The following PRUNE1 variants were observed in gnomAD, a reference collection of about 807,000 sequenced individuals.
PRUNE1 encodes exopolyphosphatase PRUNE1.
In PRUNE1, 25 loss-of-function variants were observed where a neutral mutation model predicts 42.5. That is an observed-to-expected ratio of 0.59 (90% CI 0.43 to 0.82). PRUNE1 has a LOEUF of 0.82. PRUNE1 is among the 40% of genes least tolerant of loss of function. The pLI is 0.00. For missense variants in PRUNE1, 443 were observed against 539.3 expected (o/e 0.82, Z 1.77); for synonymous variants, 203 against 217.1 (o/e 0.93, Z 0.57).
chr1:151,021,141 T>G (rs1674402012), intron 3 of PRUNE1, among the ~76,000 whole-genome samples: 1 of 128,042 alleles, frequency 7.8e-6, no homozygotes, highest in Admixed American at 8.2e-5. Context: ...AGTGATGCTC[T>G]GTCTCAAAAA....
At chr1:151,025,290 T>C (rs1478755473) in intron 4 of PRUNE1, among the ~76,000 whole-genome samples, 1 of 152,194 alleles carries the variant, frequency 6.6e-6, no homozygotes, top group Non-Finnish European at 1.5e-5. Context: ...AGGTTTGAGA[T>C]GCTCAGGCTT....
intron 1 of PRUNE1, among the ~76,000 whole-genome samples, chr1:151,009,235 T>C (rs2102888676): frequency 6.6e-6 from 1 of 152,304 alleles, no homozygotes; most frequent in Admixed American, 6.5e-5. Context: ...AGTCAGTGTT[T>C]TTAAGCCAAA....
intron 1 of PRUNE1, among the ~76,000 whole-genome samples, chr1:151,009,196 G>A (rs1344807519): frequency 6.6e-6 from 1 of 152,128 alleles, no homozygotes; most frequent in Non-Finnish European, 1.5e-5. Context: ...TCATTTCTAG[G>A]TTAGAAGTAG....
In PRUNE1 at chr1:151,018,464, T is replaced by C; in HGVS notation, c.133-3T>C. The C allele has an allele frequency of 6.2e-7, 1 of 1,607,456 alleles. No individual in the cohort carries two copies. Among genetic ancestry groups the C allele is most frequent in the Non-Finnish European group, 8.5e-7 (1 of 1,174,170 alleles). ...GATACCTTCTTTTCACTTTCCTATC[T>C]AGACAACTGAGGCTGAGGAAGTCTT... On this transcript the variant is annotated splice_region_variant and splice_polypyrimidine_tract_variant and intron_variant, in intron 2 of 7. Transcript: ENST00000271620.
chr1:151,024,425 GC>G (rs1185766693), intron 3 of PRUNE1, among the ~76,000 whole-genome samples, 185 bp from the exon 4 acceptor site: 3 of 152,010 alleles, frequency 2.0e-5, no homozygotes, highest in Non-Finnish European at 4.4e-5. Flanking sequence ...AACCCGAGAT[GC>G]AAAGGTTGCA....
chr1:151,025,640 G>A lies in PRUNE1; in HGVS notation c.646G>A (p.Asp216Asn). 1 of 1,613,750 alleles carries A rather than the reference G, an allele frequency of 6.2e-7. No individual in the cohort carries two copies. The highest frequency in any genetic ancestry group is 8.5e-7 in the Non-Finnish European group (1 of 1,179,826). Reference sequence around the variant, plus strand: ...CCTACCCAAGAGAAATGATATATTTGATTCCCTACAAAAGGCAAAGTTTGA... The same window carrying A: ...CCTACCCAAGAGAAATGATATATTTAATTCCCTACAAAAGGCAAAGTTTGA... Reference protein sequence around the residue: ...PDLPKRNDIFDSLQKAKFDVS... With the variant: ...PDLPKRNDIFNSLQKAKFDVS... The change falls in exon 5 of 8, where the codon GAT becomes AAT. Residue 216 changes from aspartate (D) to asparagine (N), a missense_variant. Physicochemically the swap from Asp to Asn is conservative, Grantham distance 23 (BLOSUM62 1). Transcript: ENST00000271620.
At chr1:151,012,836 A>G in intron 1 of PRUNE1, among the ~76,000 whole-genome samples, 1 of 151,130 alleles carries the variant, frequency 6.6e-6, no homozygotes, top group Non-Finnish European at 1.5e-5. Flanking sequence ...CAATGGTGGG[A>G]TCTCGGCTCA....
At chr1:151,014,536 G>C (rs1037919392) in intron 1 of PRUNE1, among the ~76,000 whole-genome samples, 2 of 152,238 alleles carry the variant, frequency 1.3e-5, no homozygotes, top group African/African-American at 4.8e-5. Flanking sequence ...AGTGGGGGAA[G>C]AGAAGAGTGA....
At chr1:151,030,328 T>C (rs1159317394) in intron 7 of PRUNE1, among the ~76,000 whole-genome samples, 1 of 151,654 alleles carries the variant, frequency 6.6e-6, no homozygotes, top group Non-Finnish European at 1.5e-5. Context: ...CTAGGCTCTG[T>C]GAGGACTGCT....
At chr1:151,016,232 GTC>G (rs770885559) in intron 1 of PRUNE1, among the ~76,000 whole-genome samples, 58 of 151,558 alleles carry the variant, frequency 3.8e-4, no homozygotes, top group Non-Finnish European at 4.6e-4. Flanking sequence ...GTAAGACCCT[GTC>G]TCAAAAAAAA....
chr1:151,030,373 C>T (rs1558089503), intron 7 of PRUNE1, among the ~76,000 whole-genome samples: 1 of 152,082 alleles, frequency 6.6e-6, no homozygotes, highest in Non-Finnish European at 1.5e-5. Flanking sequence ...CCTTTGCTCT[C>T]ATAGAAGGTA....
chr1:151,008,469 C>T lies in PRUNE1; in HGVS notation c.-164C>T, dbSNP rs1330702117. 1.7e-6 allele frequency: 2 copies of T among 1,153,562 alleles called. No individual in the cohort carries two copies. The highest frequency in any genetic ancestry group is 2.5e-6 in the Non-Finnish European group (2 of 789,940). 71.5% of individuals were successfully genotyped at this position (1,153,562 alleles called of 1,614,324 possible). A position where few individuals can be genotyped will look rare whatever the true frequency, so the allele number is the denominator to read the frequency against. On this transcript the variant is annotated 5_prime_UTR_variant, in exon 1 of 8. Transcript: ENST00000271620. ...GGAGCGCCCGCTTACGCAGTTCCTCCCGGGGTCGGAGGCCGATTCGCCGTG... is the reference window on the plus strand; with the variant it reads ...GGAGCGCCCGCTTACGCAGTTCCTCTCGGGGTCGGAGGCCGATTCGCCGTG...
At position 151,024,728 on chromosome 1, in the gene PRUNE1, G is replaced by A; in HGVS notation, c.453G>A (p.Leu151=). The part of the protein sequence containing the change: ...SVELVGSCAT[L]VTERILQGAP... ...AGCTGGTGGGGTCCTGTGCTACCCT[G>A]GTGACCGAGAGAATCCTGCAGGGGG... Residue 151 remains leucine, a synonymous_variant, in exon 4 of 8, where the codon CTG becomes CTA. Coordinates refer to ENST00000271620, the MANE Select transcript of PRUNE1 (RefSeq NM_021222.3). The A allele has an allele frequency of 6.2e-7, 1 of 1,614,138 alleles. No homozygotes were observed. The highest frequency in any genetic ancestry group is 1.1e-5 in the South Asian group (1 of 91,082).
chr1:151,012,287 G>C (rs973328365), intron 1 of PRUNE1, among the ~76,000 whole-genome samples: 2 of 152,074 alleles, frequency 1.3e-5, no homozygotes, highest in African/African-American at 4.8e-5. Flanking sequence ...TTGGAATTAG[G>C]GGTTACACAT....
intron 1 of PRUNE1, 71 bp from the exon 2 acceptor site, chr1:151,017,741 T>C: frequency 9.9e-7 from 1 of 1,010,740 alleles, no homozygotes; most frequent in South Asian, 1.6e-5. Context: ...ATATATATTA[T>C]TTAAAAAAAA....
chr1:151,025,255 G>A (rs1404647672), intron 4 of PRUNE1, among the ~76,000 whole-genome samples: 1 of 152,104 alleles, frequency 6.6e-6, no homozygotes, highest in African/African-American at 2.4e-5. Context: ...GTGTATCTCT[G>A]TCTGACTAGG....
intron 7 of PRUNE1, among the ~76,000 whole-genome samples, chr1:151,033,164 C>T (rs1328559241): frequency 6.6e-6 from 1 of 151,298 alleles, no homozygotes; most frequent in East Asian, 1.9e-4. Context: ...TGGCTCACTG[C>T]AACTTCTGTC....
rs138086088 is a variant in PRUNE1, at chr1:151,032,973, C to T, written c.934-833C>T. On this transcript the variant is annotated intron_variant, in intron 7 of 7. Coordinates refer to ENST00000271620, the MANE Select transcript of PRUNE1 (RefSeq NM_021222.3). The stretch of plus-strand genomic sequence containing the variant: ...ATTTTTCGTAGAGATGGGGTTTCAG[C>T]ATGTTGACAAGGCTGTTCTCGAATT... Among the ~76,000 whole-genome samples the T allele has an allele frequency of 7.3e-3, 1,113 of 151,968 alleles. 20 individuals are homozygous for T. The highest frequency in any genetic ancestry group is 0.026 in the African/African-American group (1,065 of 41,446).
intron 3 of PRUNE1, among the ~76,000 whole-genome samples, chr1:151,021,927 C>G (rs1041441651): frequency 4.0e-5 from 6 of 151,248 alleles, no homozygotes; most frequent in African/African-American, 1.5e-4. Context: ...CTCGGACTCC[C>G]AAAGTGCTGG....
Sources: gnomAD v4.1 joint callset for allele counts (sites outside exome capture counted in the v4.1 genomes callset) on GRCh38, gnomAD v4.1.1 for gene constraint, MANE v1.5 for transcripts, NCBI Gene and HGNC (gene_info 2026-07-23, HGNC 2026-07-21) for gene names.